The following SLC20A2 variants were observed in gnomAD, a reference collection of about 807,000 sequenced individuals.
The protein encoded by SLC20A2 is sodium-dependent phosphate transporter 2.
Under a neutral mutation model 61.0 loss-of-function variants are expected in SLC20A2, and 30 were observed. The observed-to-expected ratio is 0.49, with a 90% CI of 0.37 to 0.67. The LOEUF (loss-of-function observed/expected upper bound fraction) is 0.67, where lower values mean the gene tolerates loss of function less well. Among genes scored for constraint, SLC20A2 ranks in the 30% least tolerant of loss-of-function variants. The pLI, the probability that SLC20A2 is intolerant of heterozygous loss-of-function variation, is 0.00. For synonymous variants in SLC20A2, 351 were observed against 353.3 expected (o/e 0.99, Z 0.07); for missense variants, 626 against 866.4 (o/e 0.72, Z 3.48).
At chr8:42,492,697 T>C (rs1809612500) in intron 1 of SLC20A2, among the ~76,000 whole-genome samples, 1 of 152,112 alleles carries the variant, frequency 6.6e-6, no homozygotes, top group African/African-American at 2.4e-5. Flanking sequence ...GGTTTTCTTT[T>C]TTTTTTTTTG....
intron 1 of SLC20A2, chr8:42,541,183 G>T (rs1380637767): frequency 6.6e-6 from 1 of 152,148 alleles, no homozygotes; most frequent in Non-Finnish European, 1.5e-5. Flanking sequence ...GGAGCAGGAG[G>T]CGCCCGGCAC....
chr8:42,488,935 GTTTTTTTTTTTTTTT>G (rs34643152), intron 1 of SLC20A2, among the ~76,000 whole-genome samples: 2 of 83,524 alleles, frequency 2.4e-5, no homozygotes, highest in Admixed American at 3.1e-4. Context: ...TAGGAGTTTT[GTTTTTTTTTTTTTTT>G]TTTTTTTGAA....
At chr8:42,514,920 T>A (rs1366329936) in intron 1 of SLC20A2, among the ~76,000 whole-genome samples, 2 of 151,950 alleles carry the variant, frequency 1.3e-5, no homozygotes, top group Non-Finnish European at 2.9e-5. Context: ...ACTTTGGAGG[T>A]AGAATCATAG....
At chr8:42,445,740 G>T (rs1805159303) in intron 5 of SLC20A2, among the ~76,000 whole-genome samples, 2 of 151,870 alleles carry the variant, frequency 1.3e-5, no homozygotes, top group Admixed American at 6.6e-5. Context: ...AAAAGAAAAA[G>T]AAATAAAGAA....
intron 1 of SLC20A2, chr8:42,535,346 G>T (rs1812636091): frequency 6.7e-6 from 1 of 150,370 alleles, no homozygotes; most frequent in South Asian, 2.1e-4. Flanking sequence ...CTTTAAAAAA[G>T]AAAAGTTGAA....
intron 5 of SLC20A2, among the ~76,000 whole-genome samples, chr8:42,447,515 A>C (rs895815842): frequency 1.3e-5 from 2 of 150,482 alleles, no homozygotes; most frequent in Admixed American, 6.6e-5. Flanking sequence ...GTCTCTACTA[A>C]AAATACAAAA....
upstream of SLC20A2, among the ~76,000 whole-genome samples, chr8:42,504,086 C>T (rs544906127): frequency 2.6e-5 from 4 of 152,138 alleles, no homozygotes; most frequent in Admixed American, 2.0e-4. Flanking sequence ...ACTACAGGCA[C>T]GTGCCAGCAC....
At chr8:42,534,809 G>A (rs960715998) in intron 1 of SLC20A2, 5 of 152,174 alleles carry the variant, frequency 3.3e-5, no homozygotes, top group African/African-American at 9.7e-5. Flanking sequence ...TTCAATGAAA[G>A]CCAATTTCTG....
intron 1 of SLC20A2, among the ~76,000 whole-genome samples, chr8:42,516,655 C>G (rs1051896052): frequency 2.0e-5 from 3 of 152,238 alleles, no homozygotes; most frequent in African/African-American, 7.2e-5. Flanking sequence ...TCTATAAGGG[C>G]TGCTACCACT....
chr8:42,515,636 C>T (rs1253249250), intron 1 of SLC20A2, among the ~76,000 whole-genome samples: 1 of 152,120 alleles, frequency 6.6e-6, no homozygotes, highest in African/African-American at 2.4e-5. Flanking sequence ...AGGCTACCTT[C>T]CTAACCTCTA....
At chr8:42,532,511 TAGAAAC>T (rs140677839) in intron 1 of SLC20A2, among the ~76,000 whole-genome samples, 274 of 152,228 alleles carry the variant, frequency 1.8e-3, no homozygotes, top group African/African-American at 6.4e-3. Flanking sequence ...ATCTAATTCT[TAGAAAC>T]AGAAAACAGA....
intron 2 of SLC20A2, among the ~76,000 whole-genome samples, chr8:42,469,291 CCAA>C (rs1807437452): frequency 6.6e-6 from 1 of 151,824 alleles, no homozygotes; most frequent in Admixed American, 6.6e-5. Flanking sequence ...ATACAAATTC[CCAA>C]CAAAATAGGC....
Position 42,430,146 on chromosome 8 carries a change from C to T in SLC20A2, c.1627G>A (p.Gly543Arg). The T allele has an allele frequency of 6.2e-7, 1 of 1,614,066 alleles. No homozygotes were observed. The highest frequency in any genetic ancestry group is 1.1e-5 in the South Asian group (1 of 91,040). ...CAGACCCAGAGGCCTGTGCAGATTC[C>T]AACTCCTCCATAAAACAGCAGCCAG... ...PVWLLFYGGV[G>R]ICTGLWVWGR... Residue 543 changes from glycine (G) to arginine (R), a missense_variant, in exon 9 of 11, where the codon GGA (glycine) becomes AGA (arginine). Physicochemically the swap from Gly to Arg is moderately radical, Grantham distance 125 (BLOSUM62 -2). Coordinates refer to ENST00000520262, the MANE Select transcript of SLC20A2 (RefSeq NM_001257180.2).
chr8:42,528,716 G>C (rs1464696741), intron 1 of SLC20A2, among the ~76,000 whole-genome samples: 1 of 151,776 alleles, frequency 6.6e-6, no homozygotes, highest in Admixed American at 6.6e-5. Flanking sequence ...GCCCAGGCTG[G>C]AGTGCAGTGG....
chr8:42,500,647 G>T (rs568091207), intron 1 of SLC20A2, among the ~76,000 whole-genome samples: 2 of 152,192 alleles, frequency 1.3e-5, no homozygotes, highest in African/African-American at 4.8e-5. Flanking sequence ...AGTATAACAG[G>T]AATTAACTTT....
At chr8:42,465,648 AC>A in intron 3 of SLC20A2, 128 bp downstream of exon 3, 2 of 840,866 alleles carry the variant, frequency 2.4e-6, no homozygotes, top group East Asian at 6.2e-5. Context: ...CCGAGATTGC[AC>A]CACTGCACTC....
chr8:42,453,584 T>C, intron 5 of SLC20A2, among the ~76,000 whole-genome samples: 1 of 152,188 alleles, frequency 6.6e-6, no homozygotes, highest in East Asian at 1.9e-4. Flanking sequence ...AAACAGTATG[T>C]AATGAAAGTC....
At chr8:42,455,254 A>G (rs1466143889) in intron 5 of SLC20A2, among the ~76,000 whole-genome samples, 2 of 96,670 alleles carry the variant, frequency 2.1e-5, no homozygotes, top group East Asian at 2.6e-4. Context: ...ATATATATAT[A>G]TATAGAGAGA....
chr8:42,444,785 G>A (rs780327344), intron 5 of SLC20A2, 23 bp from the exon 6 acceptor site: 2 of 1,581,430 alleles, frequency 1.3e-6, no homozygotes, highest in South Asian at 1.1e-5. Flanking sequence ...ATGAGAAGCA[G>A]TGTCATTACT....
Sources: gnomAD v4.1 joint callset for allele counts (sites outside exome capture counted in the v4.1 genomes callset) on GRCh38, gnomAD v4.1.1 for gene constraint, MANE v1.5 for transcripts, NCBI Gene and HGNC (gene_info 2026-07-23, HGNC 2026-07-21) for gene names.